Variants in PTGER3 observed in about 807,000 individuals in gnomAD.
PTGER3 encodes the protein prostaglandin E receptor 3, also known as prostaglandin E2 receptor EP3 subtype.
In PTGER3, 22 loss-of-function variants were observed where a neutral mutation model predicts 34.7. The ratio of observed to expected loss-of-function variants is 0.63; its 90% CI spans 0.45 to 0.91. The LOEUF is 0.91. Among genes scored for constraint, PTGER3 ranks in the 40% least tolerant of loss-of-function variants. The pLI is 0.00. For synonymous variants in PTGER3, 241 were observed against 230.1 expected (o/e 1.05, Z -0.43); for missense variants, 468 against 519.4 (o/e 0.90, Z 0.96).
downstream of PTGER3, among the ~76,000 whole-genome samples, chr1:70,947,907 G>A (rs758478648): frequency 6.6e-6 from 1 of 152,124 alleles, no homozygotes; most frequent in Non-Finnish European, 1.5e-5. Context: ...ATGAATGGGT[G>A]TTTGTGGCTG....
rs1424937739 is a variant in PTGER3 at position 70,971,091 on chromosome 1, G to A, written c.*639C>T. 22 of 985,310 alleles carry A rather than the reference G, an allele frequency of 2.2e-5. No individual in the cohort carries two copies. The highest frequency in any genetic ancestry group is 2.7e-5 in the Non-Finnish European group (22 of 829,906). The allele number at this position is 985,310 out of a possible 1,614,324, so 61.0% of individuals were successfully genotyped here. A position where few individuals can be genotyped will look rare whatever the true frequency, so the allele number is the denominator to read the frequency against. On this transcript the variant is annotated 3_prime_UTR_variant, in exon 4 of 4. Transcript: ENST00000306666. ...TCAAAAGCTTAGAAATAACAATTAA[G>A]CAGATTCCTGAGTTACTAAATGACA...
chr1:70,961,608 A>G (rs1651941140), intron 2 of PTGER3, among the ~76,000 whole-genome samples: 1 of 152,128 alleles, frequency 6.6e-6, no homozygotes, highest in Admixed American at 6.5e-5. Context: ...TACAACATGC[A>G]TATTTTGCTC....
intron 2 of PTGER3, 78 bp from the exon 3 acceptor site, chr1:70,974,466 A>G (rs989272047): frequency 1.8e-5 from 13 of 736,622 alleles, no homozygotes; most frequent in Non-Finnish European, 3.3e-5. Context: ...CCTGCATATC[A>G]AAGTCACATT....
intron 2 of PTGER3, among the ~76,000 whole-genome samples, chr1:70,955,849 C>T (rs781331134): frequency 6.6e-6 from 1 of 152,122 alleles, no homozygotes; most frequent in South Asian, 2.1e-4. Context: ...TCACTAATCC[C>T]ATCACTATGC....
intron 2 of PTGER3, chr1:71,006,815 G>A (rs1293171771): frequency 1.0e-6 from 1 of 985,254 alleles, no homozygotes; most frequent in Non-Finnish European, 1.2e-6. Flanking sequence ...TATAGGTAAA[G>A]TATTCCTGAC....
rs74089103 is a variant in PTGER3 at position 70,898,359 on chromosome 1, C to T, written c.*24-45500G>A. Among the ~76,000 whole-genome samples the T allele has an allele frequency of 2.6e-5, 4 of 152,272 alleles. No individual in the cohort carries two copies. In the East Asian group the frequency reaches 7.7e-4, roughly 29 times the overall value. ...CAAGGTGGTAGATTCTTCTCCACAGCCTGCTCATCTCTACAGACATCACTC... is the reference window on the plus strand; with the variant it reads ...CAAGGTGGTAGATTCTTCTCCACAGTCTGCTCATCTCTACAGACATCACTC... On this transcript the variant is annotated intron_variant, in intron 4 of 4. Transcript: ENST00000370931.
chr1:70,856,885 C>A (rs573422894), intron 4 of PTGER3, among the ~76,000 whole-genome samples: 1 of 152,118 alleles, frequency 6.6e-6, no homozygotes, highest in Admixed American at 6.6e-5. Flanking sequence ...CTGTAACAAC[C>A]GCTAGAAGCA....
At chr1:71,027,934 C>T (rs1659077753) in intron 1 of PTGER3, among the ~76,000 whole-genome samples, 2 of 152,194 alleles carry the variant, frequency 1.3e-5, no homozygotes, top group Non-Finnish European at 2.9e-5. Context: ...GGCAAATAAC[C>T]ATATGTGGCT....
intron 2 of PTGER3, among the ~76,000 whole-genome samples, chr1:70,958,389 G>A (rs1268071920): frequency 6.6e-6 from 1 of 152,162 alleles, no homozygotes; most frequent in Non-Finnish European, 1.5e-5. Context: ...CTGCAGTGAG[G>A]TGATACCATT....
chr1:70,970,983 T>C lies in PTGER3; in HGVS notation c.*747A>G. The C allele has an allele frequency of 1.2e-5, 12 of 985,400 alleles. No homozygotes were observed. Among genetic ancestry groups the C allele is most frequent in the Non-Finnish European group, 1.3e-5 (11 of 829,920 alleles). The allele number at this position is 985,400 out of a possible 1,614,324, so 61.0% of individuals were successfully genotyped here. A position where few individuals can be genotyped will look rare whatever the true frequency, so the allele number is the denominator to read the frequency against. On this transcript the variant is annotated 3_prime_UTR_variant, in exon 4 of 4. Coordinates refer to ENST00000306666, the MANE Select transcript of PTGER3 (RefSeq NM_198719.2). Reference sequence around the variant, plus strand: ...GCCTACCTGGATTTTTTTATCACTCTAACTGCGCAGCTAATCATTCAACCT... The same window carrying C: ...GCCTACCTGGATTTTTTTATCACTCCAACTGCGCAGCTAATCATTCAACCT...
chr1:70,887,564 CT>C (rs1646524768), intron 4 of PTGER3, among the ~76,000 whole-genome samples: 1 of 151,968 alleles, frequency 6.6e-6, no homozygotes, highest in African/African-American at 2.4e-5. Context: ...AATCTGCTTC[CT>C]TTTAGTGCAA....
intron 4 of PTGER3, among the ~76,000 whole-genome samples, chr1:70,930,640 G>A (rs1170911988): frequency 2.0e-5 from 3 of 152,202 alleles, no homozygotes; most frequent in African/African-American, 7.2e-5. Context: ...ACATGGCAGT[G>A]GCAAGAGAAA....
chr1:70,898,668 C>A (rs1646773638), intron 4 of PTGER3, among the ~76,000 whole-genome samples: 1 of 152,100 alleles, frequency 6.6e-6, no homozygotes, highest in African/African-American at 2.4e-5. Context: ...AAAGTTAGTT[C>A]TTTCTCTGTT....
intron 2 of PTGER3, chr1:71,008,918 A>T (rs1219261419): frequency 2.0e-6 from 2 of 979,110 alleles, no homozygotes; most frequent in Non-Finnish European, 2.4e-6. Flanking sequence ...AATCCTGTGT[A>T]TTGCAGGAGA....
intron 4 of PTGER3, among the ~76,000 whole-genome samples, chr1:70,865,123 C>A (rs899272804): frequency 3.3e-5 from 5 of 151,996 alleles, no homozygotes; most frequent in African/African-American, 1.2e-4. Context: ...GATCTACAAT[C>A]CGTTTAGAAT....
chr1:70,867,998 C>T (rs989799896), intron 4 of PTGER3, among the ~76,000 whole-genome samples: 3 of 152,186 alleles, frequency 2.0e-5, no homozygotes, highest in African/African-American at 7.2e-5. Context: ...GTAGGCCCTC[C>T]AGATTAATTT....
At chr1:70,952,313 G>C, downstream of PTGER3, 3 of 659,300 alleles carry the variant, frequency 4.6e-6, no homozygotes, top group Non-Finnish European at 5.6e-6. Flanking sequence ...TCGTGATGGG[G>C]TTATGAACCC....
At chr1:70,935,384 T>C (rs994536422) in intron 4 of PTGER3, among the ~76,000 whole-genome samples, 9 of 152,114 alleles carry the variant, frequency 5.9e-5, no homozygotes, top group Non-Finnish European at 1.3e-4. Flanking sequence ...TCTCAGTTTT[T>C]ATTTATATAC....
intron 2 of PTGER3, among the ~76,000 whole-genome samples, chr1:70,980,909 A>G (rs890345722): frequency 1.3e-5 from 2 of 152,166 alleles, no homozygotes; most frequent in Admixed American, 6.5e-5. Context: ...CTCAAGCAAT[A>G]GGTTAGCCAC....
Sources: allele counts gnomAD v4.1 joint callset (sites outside exome capture counted in the v4.1 genomes callset), GRCh38; gene constraint gnomAD v4.1.1; transcripts MANE v1.5; gene names NCBI Gene and HGNC (gene_info 2026-07-23, HGNC 2026-07-21).